GAK: variants seen among roughly 807,000 people sequenced by gnomAD.
The protein encoded by GAK is cyclin G associated kinase.
GAK carries 79 observed loss-of-function variants against 143.9 expected under a neutral mutation model. The observed-to-expected ratio is 0.55, with a 90% confidence interval of 0.46 to 0.66. The LOEUF (loss-of-function observed/expected upper bound fraction) is 0.66. Among genes scored for constraint, GAK ranks in the 30% least tolerant of loss-of-function variants. GAK has a pLI of 0.00. For synonymous variants in GAK, 881 were observed against 765.5 expected (o/e 1.15, Z -2.49); for missense variants, 1,693 against 1,779.7 (o/e 0.95, Z 0.88).
intron 24 of GAK, among the ~76,000 whole-genome samples, chr4:856,374 AC>A (rs1283670245): frequency 5.0e-5 from 4 of 79,896 alleles, no homozygotes; most frequent in Admixed American, 1.1e-4. Flanking sequence ...ACAGCTGCTC[AC>A]CACAGCTGCT....
At chr4:859,915 C>A (rs1219786764) in intron 23 of GAK, among the ~76,000 whole-genome samples, 193 bp from the exon 24 acceptor site, 1 of 152,172 alleles carries the variant, frequency 6.6e-6, no homozygotes, top group Non-Finnish European at 1.5e-5. Context: ...ATGCCCCATG[C>A]TGCTCCTCAG....
At chr4:849,826 G>GGGGGC in intron 27 of GAK, 52 bp from the exon 28 acceptor site, 1 of 1,413,838 alleles carries the variant, frequency 7.1e-7, no homozygotes, top group Non-Finnish European at 9.7e-7. Flanking sequence ...GGGGGCGGGC[G>GGGGGC]GGGCAGGACC....
Position 893,359 on chromosome 4 carries a change from C to T in GAK, c.990+18G>A, listed in dbSNP as rs768524995. 1 of 1,508,534 alleles carries T rather than the reference C, an allele frequency of 6.6e-7. No individual in the cohort carries two copies. The highest frequency in any genetic ancestry group is 2.5e-5 in the East Asian group (1 of 40,582). The allele number at this position is 1,508,534 out of a possible 1,614,324, so 93.4% of individuals were successfully genotyped here. A position where few individuals can be genotyped will look rare whatever the true frequency, so the allele number is the denominator to read the frequency against. On this transcript the variant is annotated intron_variant, in intron 9 of 27. Coordinates refer to ENST00000314167, the MANE Select transcript of GAK (RefSeq NM_005255.4). ...TCACCACTGCGGGGGATTTGGGGCTCACGTGTGCCTCCCTCACCTCTGTGA... is the reference window on the plus strand; with the variant it reads ...TCACCACTGCGGGGGATTTGGGGCTTACGTGTGCCTCCCTCACCTCTGTGA...
At chr4:907,066 C>A (rs373515780) in intron 4 of GAK, among the ~76,000 whole-genome samples, 4 of 152,260 alleles carry the variant, frequency 2.6e-5, no homozygotes, top group African/African-American at 9.6e-5. Context: ...GTCACTGAGC[C>A]CCCGATGCCT....
chr4:867,430 C>T lies in GAK; in HGVS notation c.2398G>A (p.Glu800Lys), dbSNP rs151239768. The change falls in exon 21 of 28, where the codon GAG becomes AAG. Residue 800 changes from glutamate (E) to lysine (K), a missense_variant and splice_region_variant. By Grantham distance (56) the Glu-to-Lys change is moderately conservative. Around this residue, in one of 2 missense-constraint regions of GAK, gnomAD observed 822 missense variants for 788.7 expected, o/e 1.04. Transcript: ENST00000314167. The stretch of plus-strand genomic sequence containing the variant: ...TCTGCACCAGTCTCTGCCTCCTTCT[C>T]TTCTGCGAAAAGGAAACAAAACCAC... Reference protein sequence around the residue: ...RFLHTLDWQEEKEAETGAENA... With the variant: ...RFLHTLDWQEKKEAETGAENA... 6.6e-6 allele frequency: 10 copies of T among 1,516,832 alleles called. No individual in the cohort carries two copies. Among genetic ancestry groups the T allele is most frequent in the Non-Finnish European group, 8.9e-6 (10 of 1,129,234 alleles). 94.0% of individuals were successfully genotyped at this position (1,516,832 alleles called of 1,614,324 possible).
chr4:859,415 A>G (rs1254315401), intron 24 of GAK, 191 bp downstream of exon 24: 3 of 1,543,612 alleles, frequency 1.9e-6, no homozygotes, highest in African/African-American at 1.4e-5. Context: ...TCCCGGTTTT[A>G]GCTTGCCAGT....
At chr4:873,745 T>C (rs1033388915) in intron 18 of GAK, among the ~76,000 whole-genome samples, 2 of 152,226 alleles carry the variant, frequency 1.3e-5, no homozygotes, top group African/African-American at 4.8e-5. Context: ...AATTTCCAAT[T>C]ATTCCACTTC....
At chr4:920,086 C>T (rs140623086) in intron 1 of GAK, among the ~76,000 whole-genome samples, 3 of 152,130 alleles carry the variant, frequency 2.0e-5, no homozygotes, top group Admixed American at 6.5e-5. Context: ...CTGAGGAGGG[C>T]GGATCACAAG....
Position 849,906 on chromosome 4 carries a change from C to G in GAK, c.3820G>C (p.Val1274Leu). The G allele has an allele frequency of 1.3e-6, 2 of 1,588,064 alleles. No individual in the cohort carries two copies. ...GCTCTGCTCACCTTGTCGGGGTGCA[C>G]AGCCAGCACCGCGCGGCGATAGTGC... ...KKHYRRAVLA[V>L]HPDKAAGQPY... The change falls in exon 27 of 28, where the codon GTG (valine) becomes CTG (leucine). Residue 1274 changes from valine to leucine, a missense_variant. Val to Leu is a conservative substitution (Grantham distance 32, BLOSUM62 1). Transcript: ENST00000314167.
At chr4:863,168 G>A (rs972498929) in intron 23 of GAK, among the ~76,000 whole-genome samples, 2 of 152,246 alleles carry the variant, frequency 1.3e-5, no homozygotes, top group Non-Finnish European at 2.9e-5. Flanking sequence ...ATGACTTTGA[G>A]GAGTTGAAGA....
intron 1 of GAK, 119 bp downstream of exon 1, chr4:931,924 T>A (rs1033120543): frequency 4.0e-6 from 3 of 755,426 alleles, no homozygotes; most frequent in African/African-American, 1.8e-5. Flanking sequence ...TGACCCACGA[T>A]CCCGCTGGGA....
chr4:850,674 T>G (rs1747973246), intron 26 of GAK: 2 of 121,380 alleles, frequency 1.6e-5, no homozygotes, highest in East Asian at 5.3e-4. Context: ...CTGAGCCATC[T>G]GGGCACGTGG....
intron 6 of GAK, among the ~76,000 whole-genome samples, chr4:897,156 G>A (rs1193828280): frequency 1.3e-5 from 2 of 152,226 alleles, no homozygotes; most frequent in Non-Finnish European, 2.9e-5. Context: ...AGGAGACAGT[G>A]AATCTCCGTG....
At chr4:881,771 C>A (rs1319237258) in intron 15 of GAK, 136 bp downstream of exon 15, 2 of 1,117,290 alleles carry the variant, frequency 1.8e-6, no homozygotes, top group African/African-American at 1.6e-5. Flanking sequence ...AGCCATGGCT[C>A]CGCGAGGCCG....
At chr4:850,366 C>G (rs1269020158) in intron 26 of GAK, 1 of 332,230 alleles carries the variant, frequency 3.0e-6, no homozygotes, top group African/African-American at 2.1e-5. Flanking sequence ...CTTGGCCCAT[C>G]CCAGGCCCCA....
rs150316836 is a variant in GAK at position 909,461 on chromosome 4, G to A, written c.382+2212C>T. Among the ~76,000 whole-genome samples the A allele has an allele frequency of 8.9e-3, 1,361 of 152,268 alleles. 14 individuals are homozygous for A. Among genetic ancestry groups the A allele is most frequent in the Non-Finnish European group, 0.015 (1,005 of 68,020 alleles). ...GCGCACGGGAAGGGCCGGGTGCGAC[G>A]TGTCAGGGATGGGGGAGACAGCCCA... On this transcript the variant is annotated intron_variant, in intron 4 of 27. Transcript: ENST00000314167.
intron 1 of GAK, among the ~76,000 whole-genome samples, chr4:914,861 C>T (rs1383519695): frequency 3.9e-5 from 5 of 128,496 alleles, no homozygotes; most frequent in Admixed American, 1.6e-4. Flanking sequence ...CCAGCATGCA[C>T]GGCCCCACAC....
intron 17 of GAK, 139 bp from the exon 18 acceptor site, chr4:876,748 T>C: frequency 1.4e-6 from 1 of 722,564 alleles, no homozygotes; most frequent in Non-Finnish European, 2.4e-6. Flanking sequence ...GTGCCACATG[T>C]TGTGGGGGAA....
chr4:902,268 T>C (rs1221071637), intron 5 of GAK, among the ~76,000 whole-genome samples: 2 of 146,728 alleles, frequency 1.4e-5, no homozygotes, highest in Non-Finnish European at 3.0e-5. Flanking sequence ...TGTCCTCACG[T>C]CCCCAGAGAC....
Sources: allele counts gnomAD v4.1 joint callset (sites outside exome capture counted in the v4.1 genomes callset), GRCh38; gene constraint gnomAD v4.1.1; regional missense constraint gnomAD v4.1.1; transcripts MANE v1.5; gene names NCBI Gene and HGNC (gene_info 2026-07-23, HGNC 2026-07-21).